The following HNF1B variants were observed in gnomAD, a reference collection of about 807,000 sequenced individuals.
HNF1B encodes the protein hepatocyte nuclear factor 1-beta.
A neutral mutation model predicts 61.7 loss-of-function variants in HNF1B; 8 were observed. The ratio of observed to expected loss-of-function variants is 0.13; its 90% confidence interval spans 0.08 to 0.23. The LOEUF (loss-of-function observed/expected upper bound fraction) is 0.23. HNF1B is among the 10% of genes least tolerant of loss of function. The pLI is 1.00. For missense variants in HNF1B, 562 were observed against 714.5 expected, an observed-to-expected ratio of 0.79 and a Z score of 2.43; for synonymous variants, 314 against 287.7, an observed-to-expected ratio of 1.09 and a Z score of -0.93.
chr17:37,742,295 A>G (rs137930426), intron 1 of HNF1B, among the ~76,000 whole-genome samples: 3 of 152,340 alleles, frequency 2.0e-5, no homozygotes, highest in Admixed American at 6.5e-5. Flanking sequence ...AGGCCGCGAG[A>G]AAGGCCAGCT....
chr17:37,699,960 T>C (rs2032510074), intron 7 of HNF1B, among the ~76,000 whole-genome samples: 1 of 152,224 alleles, frequency 6.6e-6, no homozygotes, highest in African/African-American at 2.4e-5. Context: ...CCTTTATAAA[T>C]AATCTTTATA....
Position 37,744,745 on chromosome 17 carries a change from G to A in HNF1B, c.140C>T (p.Pro47Leu), listed in dbSNP as rs193922483. 9.3e-6 allele frequency: 15 copies of A among 1,613,438 alleles called. No individual in the cohort carries two copies. In the Admixed American group the frequency reaches 2.0e-4, roughly 22 times the overall value. ...CTCGGCCCCGCTGCCAGGGGACAGG[G>A]GCAGCGTCTCCAGCTTCACCCCGAA... ...PNFGVKLETL[P>L]LSPGSGAEPD... The change falls in exon 1 of 9, where the codon CCC becomes CTC. Residue 47 changes from proline to leucine, a missense_variant. By Grantham distance (98) the Pro-to-Leu change is moderately conservative. Transcript: ENST00000617811.
intron 2 of HNF1B, among the ~76,000 whole-genome samples, chr17:37,735,370 C>A (rs1202196666): frequency 6.6e-6 from 1 of 152,194 alleles, no homozygotes; most frequent in African/African-American, 2.4e-5. Context: ...TTTGCTCCAT[C>A]GGGAGGAATG....
At chr17:37,721,047 C>T (rs750208594) in intron 4 of HNF1B, 33 of 714,672 alleles carry the variant, frequency 4.6e-5, no homozygotes, top group Non-Finnish European at 5.7e-5. Flanking sequence ...CAAGAACTCA[C>T]ATAGACTTCA....
chr17:37,713,176 G>A (rs551107274), intron 4 of HNF1B, among the ~76,000 whole-genome samples: 2 of 151,896 alleles, frequency 1.3e-5, no homozygotes, highest in South Asian at 2.1e-4. Flanking sequence ...TGTTGATAAC[G>A]CTGGGAGTCA....
At chr17:37,727,922 C>A (rs930285907) in intron 4 of HNF1B, among the ~76,000 whole-genome samples, 1 of 151,960 alleles carries the variant, frequency 6.6e-6, no homozygotes, top group Non-Finnish European at 1.5e-5. Context: ...CTTGTTCCCC[C>A]CAGCTCAGTC....
At chr17:37,736,413 C>T (rs1004953053) in intron 2 of HNF1B, among the ~76,000 whole-genome samples, 1 of 152,138 alleles carries the variant, frequency 6.6e-6, no homozygotes, top group Non-Finnish European at 1.5e-5. Flanking sequence ...TTCTTACGAC[C>T]GCTCCATGTG....
intron 4 of HNF1B, among the ~76,000 whole-genome samples, chr17:37,720,059 C>A (rs1410724278): frequency 6.6e-6 from 1 of 152,190 alleles, no homozygotes; most frequent in African/African-American, 2.4e-5. Flanking sequence ...CAAGCAACAC[C>A]AGGTGTTGGG....
chr17:37,700,520 GAAGATTCTTCTC>G (rs1479660336), intron 7 of HNF1B, among the ~76,000 whole-genome samples: 1 of 152,224 alleles, frequency 6.6e-6, no homozygotes, highest in Non-Finnish European at 1.5e-5. Context: ...CGGGACTCTA[GAAGATTCTTCTC>G]TTTTAGGGAA....
intron 8 of HNF1B, among the ~76,000 whole-genome samples, chr17:37,696,374 C>T (rs2032385005): frequency 6.6e-6 from 1 of 152,146 alleles, no homozygotes; most frequent in African/African-American, 2.4e-5. Context: ...GAGGTTAAAG[C>T]TGCAGTGAGC....
intron 4 of HNF1B, among the ~76,000 whole-genome samples, chr17:37,715,157 A>G (rs1338794389): frequency 6.6e-6 from 1 of 152,044 alleles, no homozygotes; most frequent in Non-Finnish European, 1.5e-5. Flanking sequence ...TGTATTTTAC[A>G]TGCACTAGAC....
At chr17:37,705,491 G>C (rs916613583) in intron 5 of HNF1B, among the ~76,000 whole-genome samples, 2 of 152,002 alleles carry the variant, frequency 1.3e-5, no homozygotes, top group Admixed American at 6.5e-5. Context: ...GCCATTACAA[G>C]GTTTCTCTAC....
At chr17:37,691,194 G>A (rs2032190362) in intron 8 of HNF1B, among the ~76,000 whole-genome samples, 1 of 152,308 alleles carries the variant, frequency 6.6e-6, no homozygotes, top group East Asian at 1.9e-4. Flanking sequence ...GACACAGTGA[G>A]GCGTGAGGAT....
chr17:37,743,751 C>T (rs1325916502), intron 1 of HNF1B, among the ~76,000 whole-genome samples: 1 of 152,240 alleles, frequency 6.6e-6, no homozygotes, highest in East Asian at 1.9e-4. Context: ...ACACTGCCAG[C>T]CGGCCTGAAC....
At chr17:37,741,934 A>AG (rs2034003478) in intron 1 of HNF1B, among the ~76,000 whole-genome samples, 1 of 152,212 alleles carries the variant, frequency 6.6e-6, no homozygotes, top group African/African-American at 2.4e-5. Context: ...ATACCTTCAC[A>AG]ACCCTCTGAC....
At chr17:37,713,049 C>T (rs769931779) in intron 4 of HNF1B, among the ~76,000 whole-genome samples, 10 of 152,214 alleles carry the variant, frequency 6.6e-5, no homozygotes, top group South Asian at 2.1e-4. Flanking sequence ...GAGGTCTAGC[C>T]GCTGCCCTCT....
intron 1 of HNF1B, among the ~76,000 whole-genome samples, chr17:37,744,076 T>A (rs1270973138): frequency 6.6e-6 from 1 of 152,212 alleles, no homozygotes; most frequent in Non-Finnish European, 1.5e-5. Flanking sequence ...CTGCAGGTCA[T>A]CATGCAGGTC....
In HNF1B at chr17:37,738,462, G is replaced by C. The variant is rs571234238; in HGVS notation, c.544+978C>G. 7.2e-5 allele frequency among the ~76,000 whole-genome samples: 11 copies of C among 152,280 alleles called. No homozygotes were observed. In the South Asian group the frequency reaches 2.3e-3, roughly 32 times the overall value. On this transcript the variant is annotated intron_variant, in intron 2 of 8. Transcript: ENST00000617811. ...GGAAAAAACCCAACCCAGAAACCCAGATAGTGGTGGAAATTAACATCTTGA... is the reference window on the plus strand; with the variant it reads ...GGAAAAAACCCAACCCAGAAACCCACATAGTGGTGGAAATTAACATCTTGA...
intron 6 of HNF1B, among the ~76,000 whole-genome samples, chr17:37,703,122 T>C (rs2032625673): frequency 6.6e-6 from 1 of 152,236 alleles, no homozygotes; most frequent in Non-Finnish European, 1.5e-5. Flanking sequence ...GTCAGTTAAA[T>C]GAAGATGCCT....
Sources: gnomAD v4.1 joint callset for allele counts (sites outside exome capture counted in the v4.1 genomes callset) on GRCh38, gnomAD v4.1.1 for gene constraint, MANE v1.5 for transcripts, NCBI Gene and HGNC (gene_info 2026-07-23, HGNC 2026-07-21) for gene names.